The following CTNNA2 variants were observed in gnomAD, a reference collection of about 807,000 sequenced individuals.
CTNNA2 encodes the protein catenin alpha 2.
In CTNNA2, 42 loss-of-function variants were observed where a neutral mutation model predicts 101.0. The ratio of observed to expected loss-of-function variants is 0.42; its 90% CI spans 0.32 to 0.54. CTNNA2 has a LOEUF of 0.54. CTNNA2 is among the 20% of genes least tolerant of loss of function. CTNNA2 has a pLI of 0.14. For synonymous variants in CTNNA2, 450 were observed against 456.4 expected, an observed-to-expected ratio of 0.99 and a Z score of 0.18; for missense variants, 871 against 1,223.1, an observed-to-expected ratio of 0.71 and a Z score of 4.29.
intron 9 of CTNNA2, among the ~76,000 whole-genome samples, chr2:80,468,795 T>C (rs1188909733): frequency 6.6e-6 from 1 of 152,206 alleles, no homozygotes; most frequent in East Asian, 1.9e-4. Flanking sequence ...GATTATCAAG[T>C]GCCTAACACA....
At chr2:79,191,742 A>G (rs1045027224) in intron 1 of CTNNA2, among the ~76,000 whole-genome samples, 6 of 152,174 alleles carry the variant, frequency 3.9e-5, no homozygotes, top group Non-Finnish European at 8.8e-5. Flanking sequence ...ATACATATTT[A>G]TCAGGTTACA....
At chr2:80,518,384 G>A (rs192912408) in intron 9 of CTNNA2, among the ~76,000 whole-genome samples, 10 of 152,236 alleles carry the variant, frequency 6.6e-5, no homozygotes, top group South Asian at 4.2e-4. Flanking sequence ...ACACTGGGAC[G>A]TCTCCAACTG....
At chr2:80,270,607 T>G (rs1023616484) in intron 7 of CTNNA2, among the ~76,000 whole-genome samples, 8 of 152,230 alleles carry the variant, frequency 5.3e-5, no homozygotes, top group African/African-American at 1.9e-4. Context: ...TCTCACTATA[T>G]GATAGTCTCT....
At chr2:79,476,411 G>A (rs1028807841) in intron 4 of CTNNA2, among the ~76,000 whole-genome samples, 13 of 152,154 alleles carry the variant, frequency 8.5e-5, no homozygotes, top group Admixed American at 6.5e-4. Context: ...CTATTTCATC[G>A]GGGCACTTCT....
At chr2:80,382,161 C>T (rs189740361) in intron 7 of CTNNA2, among the ~76,000 whole-genome samples, 29 of 152,266 alleles carry the variant, frequency 1.9e-4, no homozygotes, top group African/African-American at 4.8e-4. Flanking sequence ...CTCCAAAGAT[C>T]GGTATCATGT....
chr2:79,471,610 A>G (rs946790137), intron 4 of CTNNA2, among the ~76,000 whole-genome samples: 18 of 152,142 alleles, frequency 1.2e-4, no homozygotes, highest in Non-Finnish European at 1.9e-4. Flanking sequence ...AGGCTGAGGC[A>G]GGTGGATCAC....
At chr2:79,564,849 A>G (rs1259360804) in intron 1 of CTNNA2, among the ~76,000 whole-genome samples, 1 of 152,118 alleles carries the variant, frequency 6.6e-6, no homozygotes, top group Non-Finnish European at 1.5e-5. Flanking sequence ...TGCTAGTGCT[A>G]TTAAGAGCTA....
At chr2:79,204,403 A>G (rs978940558) in intron 2 of CTNNA2, among the ~76,000 whole-genome samples, 1 of 151,946 alleles carries the variant, frequency 6.6e-6, no homozygotes, top group African/African-American at 2.4e-5. Context: ...TTAATTTTTT[A>G]TGGATTTGTG....
At chr2:79,407,683 A>C (rs139275362) in intron 4 of CTNNA2, among the ~76,000 whole-genome samples, 126 of 152,056 alleles carry the variant, frequency 8.3e-4, no homozygotes, top group African/African-American at 3.0e-3. Context: ...TCTGGATCTA[A>C]GGATACACCA....
chr2:79,198,422 C>T (rs553765290), intron 2 of CTNNA2, among the ~76,000 whole-genome samples: 1 of 152,180 alleles, frequency 6.6e-6, no homozygotes, highest in Non-Finnish European at 1.5e-5. Context: ...TAACTTCCCT[C>T]TGGGAATCTA....
intron 2 of CTNNA2, among the ~76,000 whole-genome samples, chr2:79,258,207 A>G (rs951445780): frequency 2.6e-5 from 4 of 152,162 alleles, no homozygotes; most frequent in African/African-American, 9.7e-5. Flanking sequence ...ACCCATACAA[A>G]TGCCAAGCAG....
At chr2:80,165,670 A>T (rs1704633313) in intron 7 of CTNNA2, among the ~76,000 whole-genome samples, 2 of 152,140 alleles carry the variant, frequency 1.3e-5, no homozygotes, top group African/African-American at 4.8e-5. Context: ...AGTGGGGATG[A>T]CCGGATTATC....
At chr2:79,435,190 A>G (rs1461249048) in intron 4 of CTNNA2, among the ~76,000 whole-genome samples, 1 of 152,148 alleles carries the variant, frequency 6.6e-6, no homozygotes, top group Non-Finnish European at 1.5e-5. Flanking sequence ...GTATGTTTGC[A>G]TTAAAAGCTA....
At chr2:79,329,714 T>C (rs956549928) in intron 3 of CTNNA2, among the ~76,000 whole-genome samples, 1 of 152,170 alleles carries the variant, frequency 6.6e-6, no homozygotes, top group African/African-American at 2.4e-5. Context: ...TGTGTTCTGA[T>C]GAGAGACACT....
chr2:80,231,333 T>G (rs887586643), intron 7 of CTNNA2, among the ~76,000 whole-genome samples: 2 of 152,130 alleles, frequency 1.3e-5, no homozygotes, highest in Non-Finnish European at 2.9e-5. Context: ...TCAGTCACAG[T>G]GGTTCAGAGC....
At chr2:79,416,721 A>G (rs1308021868) in intron 4 of CTNNA2, among the ~76,000 whole-genome samples, 1 of 152,104 alleles carries the variant, frequency 6.6e-6, no homozygotes, top group Non-Finnish European at 1.5e-5. Flanking sequence ...CCGAGAGCAC[A>G]GGTTTATAGG....
At chr2:80,022,742 T>G (rs1350066259) in intron 7 of CTNNA2, among the ~76,000 whole-genome samples, 1 of 152,116 alleles carries the variant, frequency 6.6e-6, no homozygotes, top group African/African-American at 2.4e-5. Context: ...AAAAGAACAG[T>G]GCAACTGGAA....
chr2:79,732,259 T>C (rs1426541986), intron 2 of CTNNA2, among the ~76,000 whole-genome samples: 1 of 152,148 alleles, frequency 6.6e-6, no homozygotes, highest in Middle Eastern at 3.4e-3. Context: ...CAAGTGGCAA[T>C]TGAGTTATTC....
At chr2:79,292,941 A>G (rs1199481927) in intron 2 of CTNNA2, 1 of 152,234 alleles carries the variant, frequency 6.6e-6, no homozygotes, top group Non-Finnish European at 1.5e-5. Flanking sequence ...TCACTCATAA[A>G]GTGGTAGAAT....
Sources: gnomAD v4.1 joint callset for allele counts (sites outside exome capture counted in the v4.1 genomes callset) on GRCh38, gnomAD v4.1.1 for gene constraint, MANE v1.5 for transcripts, NCBI Gene and HGNC (gene_info 2026-07-23, HGNC 2026-07-21) for gene names.